The following SETBP1 variants were observed in gnomAD, a reference collection of about 807,000 sequenced individuals.
The protein encoded by SETBP1 is SET binding protein 1.
A neutral mutation model predicts 101.0 loss-of-function variants in SETBP1; 9 were observed. The observed-to-expected ratio is 0.09, with a 90% CI of 0.05 to 0.16. The LOEUF (loss-of-function observed/expected upper bound fraction) is 0.16, where lower values mean the gene tolerates loss of function less well. Ranked by LOEUF, SETBP1 falls within the 10% of genes least tolerant of loss-of-function variation. The probability of loss-of-function intolerance (pLI) is 1.00; values close to 1 mark genes in which losing one functional copy is unlikely to be tolerated. For synonymous variants in SETBP1, 818 were observed against 788.5 expected (o/e 1.04, Z -0.63); for missense variants, 1,858 against 2,033.8 (o/e 0.91, Z 1.66).
At chr18:45,054,803 T>C (rs1416184003) in intron 5 of SETBP1, among the ~76,000 whole-genome samples, 1 of 152,182 alleles carries the variant, frequency 6.6e-6, no homozygotes, top group Non-Finnish European at 1.5e-5. Flanking sequence ...GTGGTTTGTC[T>C]AACCCGTGGG....
Position 44,953,054 on chromosome 18 carries a change from C to G in SETBP1, c.3714C>G (p.Asp1238Glu), listed in dbSNP as rs762207505. The change falls in exon 4 of 6, where the codon GAC becomes GAG. Residue 1238 changes from aspartate to glutamate, a missense_variant. Around this residue, in one of 12 missense-constraint regions of SETBP1, gnomAD observed 417 missense variants for 389.1 expected, o/e 1.07. Coordinates refer to ENST00000649279, the MANE Select transcript of SETBP1 (RefSeq NM_015559.3). ...VDTLSTLSLSDAQHWTQAKEK... is the reference protein window; with the variant it reads ...VDTLSTLSLSEAQHWTQAKEK... ...CCCTGTCTACACTGTCACTTTCCGA[C>G]GCCCAGCATTGGACACAGGCCAAGG... 1 of 1,614,190 alleles carries G rather than the reference C, an allele frequency of 6.2e-7. No homozygotes were observed. The highest frequency in any genetic ancestry group is 2.2e-5 in the East Asian group (1 of 44,876).
chr18:45,010,247 T>C (rs2072811270), intron 4 of SETBP1, among the ~76,000 whole-genome samples: 1 of 152,204 alleles, frequency 6.6e-6, no homozygotes, highest in African/African-American at 2.4e-5. Context: ...CAAAAGCATG[T>C]TGGTTAAACA....
intron 4 of SETBP1, among the ~76,000 whole-genome samples, chr18:44,958,383 G>T (rs1230330615): frequency 2.0e-5 from 3 of 152,292 alleles, no homozygotes; most frequent in East Asian, 3.9e-4. Context: ...AACTCCTAGT[G>T]CTTGAGTCCC....
chr18:44,820,124 A>C (rs1056066815), intron 2 of SETBP1, among the ~76,000 whole-genome samples: 3 of 152,198 alleles, frequency 2.0e-5, no homozygotes, highest in African/African-American at 7.2e-5. Flanking sequence ...GTAGGGGGAC[A>C]TTCCTCACCA....
chr18:44,737,536 T>G (rs1216249213), intron 2 of SETBP1, among the ~76,000 whole-genome samples: 4 of 152,182 alleles, frequency 2.6e-5, no homozygotes, highest in Non-Finnish European at 5.9e-5. Flanking sequence ...TGATGTAGAG[T>G]GTAAAATCCA....
At chr18:44,818,259 G>T (rs1464294085) in intron 2 of SETBP1, among the ~76,000 whole-genome samples, 2 of 152,128 alleles carry the variant, frequency 1.3e-5, no homozygotes, top group South Asian at 4.1e-4. Flanking sequence ...CATGCAGAAA[G>T]GAATTTATTC....
chr18:44,863,690 AC>A (rs1212625799), intron 2 of SETBP1, among the ~76,000 whole-genome samples: 1 of 152,152 alleles, frequency 6.6e-6, no homozygotes, highest in Non-Finnish European at 1.5e-5. Context: ...AAAGGATGGT[AC>A]CTTTGAGGGT....
At chr18:44,821,745 A>G (rs1283342787) in intron 2 of SETBP1, among the ~76,000 whole-genome samples, 1 of 152,224 alleles carries the variant, frequency 6.6e-6, no homozygotes, top group African/African-American at 2.4e-5. Context: ...GCAGCGGGAA[A>G]GAAAGACTCA....
At chr18:45,062,999 AT>A in intron 5 of SETBP1, 79 bp from the exon 6 acceptor site, 2 of 1,591,536 alleles carry the variant, frequency 1.3e-6, no homozygotes, top group Non-Finnish European at 1.7e-6. Flanking sequence ...GCCAAGTAGA[AT>A]GCTAGCTGTC....
chr18:44,973,770 C>A (rs925279855), intron 4 of SETBP1, among the ~76,000 whole-genome samples: 9 of 152,116 alleles, frequency 5.9e-5, no homozygotes, highest in Middle Eastern at 3.2e-3. Context: ...GCATGATGTG[C>A]AGGGATAGCC....
intron 4 of SETBP1, among the ~76,000 whole-genome samples, chr18:45,028,751 C>G (rs1479672554): frequency 6.6e-6 from 1 of 152,224 alleles, no homozygotes; most frequent in African/African-American, 2.4e-5. Flanking sequence ...TTGCATTTCT[C>G]TAATGGCCAG....
At chr18:45,054,374 G>A (rs1162420633) in intron 5 of SETBP1, among the ~76,000 whole-genome samples, 1 of 152,044 alleles carries the variant, frequency 6.6e-6, no homozygotes, top group African/African-American at 2.4e-5. Flanking sequence ...TTTTAGTAGA[G>A]ATGGGGTTTC....
chr18:44,951,314 G>A lies in SETBP1; in HGVS notation c.1974G>A (p.Leu658=). 6.2e-7 allele frequency: 1 copy of A among 1,613,580 alleles called. No homozygotes were observed. Among genetic ancestry groups the A allele is most frequent in the Non-Finnish European group, 8.5e-7 (1 of 1,180,028 alleles). Residue 658 remains leucine (L), a synonymous_variant, in exon 4 of 6, where the codon TTG becomes TTA. Coordinates refer to ENST00000649279, the MANE Select transcript of SETBP1 (RefSeq NM_015559.3). The surrounding 1 kb of genome is among the most constrained non-coding windows in gnomAD (Gnocchi z 7.8). Reference sequence around the variant, plus strand: ...AGAAAGTTGGAAAGCTCGGCGTGTTGGATAAGAAGACCATCAAAACTATCA... The same window carrying A: ...AGAAAGTTGGAAAGCTCGGCGTGTTAGATAAGAAGACCATCAAAACTATCA... ...FHKKVGKLGV[L]DKKTIKTINK...
intron 4 of SETBP1, 105 bp from the exon 5 acceptor site, chr18:45,038,380 T>C: frequency 1.0e-6 from 1 of 983,400 alleles, no homozygotes; most frequent in East Asian, 2.4e-5. Context: ...CAGAAGGAGG[T>C]GTTCAAATCA....
At chr18:44,711,423 TCTCCCTTCCTTC>T (rs1285484024) in intron 2 of SETBP1, among the ~76,000 whole-genome samples, 94 of 131,918 alleles carry the variant, frequency 7.1e-4, no homozygotes, top group African/African-American at 2.7e-3. Flanking sequence ...TCCCTCCCTT[TCTCCCTTCCTTC>T]CTCCCTTCCT....
intron 4 of SETBP1, among the ~76,000 whole-genome samples, chr18:45,007,021 TAAG>T (rs1347608396): frequency 6.6e-6 from 1 of 152,176 alleles, no homozygotes; most frequent in Admixed American, 6.5e-5. Flanking sequence ...GATTATCATT[TAAG>T]AAGTTCTGTC....
chr18:44,877,381 C>G (rs2069430923), intron 3 of SETBP1: 2 of 979,980 alleles, frequency 2.0e-6, no homozygotes, highest in Non-Finnish European at 2.4e-6. Flanking sequence ...CAACACTGAG[C>G]TTTCCTAGTT....
At chr18:44,742,898 G>A (rs1342980016) in intron 2 of SETBP1, among the ~76,000 whole-genome samples, 1 of 152,004 alleles carries the variant, frequency 6.6e-6, no homozygotes, top group East Asian at 1.9e-4. Flanking sequence ...ACAGATGGGA[G>A]AGGCTGCATC....
At chr18:44,885,456 T>G (rs1599274811) in intron 3 of SETBP1, among the ~76,000 whole-genome samples, 1 of 152,270 alleles carries the variant, frequency 6.6e-6, no homozygotes, top group East Asian at 1.9e-4. Context: ...AGTAATATTC[T>G]TCAGAATATC....
Sources: allele counts gnomAD v4.1 joint callset (sites outside exome capture counted in the v4.1 genomes callset), GRCh38; gene constraint gnomAD v4.1.1; regional missense constraint gnomAD v4.1.1; non-coding constraint Gnocchi (gnomAD v3.1); transcripts MANE v1.5; gene names NCBI Gene and HGNC (gene_info 2026-07-23, HGNC 2026-07-21).